R3HDM1: variants seen among roughly 807,000 people sequenced by gnomAD.
R3HDM1 encodes the protein R3H domain-containing protein 1.
Under a neutral mutation model 141.1 loss-of-function variants are expected in R3HDM1, and 46 were observed. The observed-to-expected ratio is 0.33, with a 90% CI of 0.26 to 0.42. The LOEUF is 0.42. Among genes scored for constraint, R3HDM1 ranks in the 10% least tolerant of loss-of-function variants. The pLI, the probability that R3HDM1 is intolerant of heterozygous loss-of-function variation, is 1.00. For missense variants in R3HDM1, 1,184 were observed against 1,368.3 expected (o/e 0.87, Z 2.12); for synonymous variants, 435 against 472.9 (o/e 0.92, Z 1.04).
chr2:135,532,734 A>T (rs1695193035), intron 1 of R3HDM1, among the ~76,000 whole-genome samples: 1 of 152,232 alleles, frequency 6.6e-6, no homozygotes, highest in Non-Finnish European at 1.5e-5. Context: ...AAGTAATAGG[A>T]TACCAGTCTG....
intron 1 of R3HDM1, chr2:135,534,011 GTGT>G (rs1197311316): frequency 1.0e-6 from 1 of 985,218 alleles, no homozygotes; most frequent in Non-Finnish European, 1.2e-6. Flanking sequence ...TATGCTGAGG[GTGT>G]TGTTGCAGCC....
At chr2:135,713,403 G>GGT (rs2105447761) in intron 23 of R3HDM1, among the ~76,000 whole-genome samples, 1 of 152,238 alleles carries the variant, frequency 6.6e-6, no homozygotes, top group East Asian at 1.9e-4. Flanking sequence ...AGTGTAAATT[G>GGT]GTACAGCTCT....
At chr2:135,623,653 T>C (rs1203316354) in intron 7 of R3HDM1, among the ~76,000 whole-genome samples, 2 of 152,298 alleles carry the variant, frequency 1.3e-5, no homozygotes, top group Admixed American at 1.3e-4. Context: ...TGACTTTTTT[T>C]CCTCCAGTTC....
At chr2:135,722,686 A>C (rs955388190) in intron 26 of R3HDM1, 133 bp downstream of exon 26, 7 of 816,548 alleles carry the variant, frequency 8.6e-6, no homozygotes, top group Non-Finnish European at 9.5e-6. Context: ...TCTCTGATTT[A>C]GGGTTCTTGG....
At chr2:135,699,744 CTTA>C (rs1216847010) in intron 21 of R3HDM1, among the ~76,000 whole-genome samples, 2 of 152,060 alleles carry the variant, frequency 1.3e-5, no homozygotes, top group Non-Finnish European at 2.9e-5. Context: ...CTAATAAAAG[CTTA>C]TTATATAGAA....
At chr2:135,641,501 TAA>T (rs763465782) in intron 14 of R3HDM1, 33 bp from the exon 15 acceptor site, 1 of 1,563,714 alleles carries the variant, frequency 6.4e-7, no homozygotes. Flanking sequence ...ATATGAGGTT[TAA>T]AAAATCCATA....
chr2:135,684,130 G>A (rs1214074790), intron 21 of R3HDM1, among the ~76,000 whole-genome samples: 9 of 151,858 alleles, frequency 5.9e-5, no homozygotes, highest in Admixed American at 3.9e-4. Flanking sequence ...TCACTCTGTC[G>A]CCCAGGCTGG....
intron 1 of R3HDM1, among the ~76,000 whole-genome samples, chr2:135,539,564 T>C (rs866192988): frequency 6.6e-6 from 1 of 152,168 alleles, no homozygotes; most frequent in Non-Finnish European, 1.5e-5. Context: ...TAGGAGATAC[T>C]GCGAGTTCAG....
intron 19 of R3HDM1, chr2:135,666,980 G>A: frequency 4.3e-6 from 2 of 461,892 alleles, no homozygotes; most frequent in Non-Finnish European, 5.6e-6. Flanking sequence ...GCACAGTCTG[G>A]AAAAAAAATT....
Position 135,641,684 on chromosome 2 carries a change from T to C in R3HDM1, c.1368T>C (p.Asp456=), listed in dbSNP as rs776763166. 1 of 1,614,142 alleles carries C rather than the reference T, an allele frequency of 6.2e-7. No homozygotes were observed. The highest frequency in any genetic ancestry group is 8.5e-7 in the Non-Finnish European group (1 of 1,180,022). Residue 456 remains aspartate, a synonymous_variant, in exon 15 of 27, where the codon GAT becomes GAC. Transcript: ENST00000683871. ...TVSTHSSLSF[D]GGLNGQVASP... ...GCACTCATAGTTCTCTTTCCTTTGA[T>C]GGTGGCCTAAATGGGCAAGTCGCAT...
intron 14 of R3HDM1, among the ~76,000 whole-genome samples, chr2:135,641,120 A>G (rs1003606440): frequency 1.3e-5 from 2 of 152,194 alleles, no homozygotes; most frequent in African/African-American, 2.4e-5. Flanking sequence ...CTTATAGATA[A>G]GGGGTTTCTG....
chr2:135,610,365 T>C (rs998152545), intron 3 of R3HDM1, among the ~76,000 whole-genome samples: 1 of 152,248 alleles, frequency 6.6e-6, no homozygotes, highest in Admixed American at 6.5e-5. Context: ...ATAAGAGAGC[T>C]GATTTCTGTT....
chr2:135,650,634 A>G, intron 17 of R3HDM1: 3 of 982,274 alleles, frequency 3.1e-6, no homozygotes, highest in Non-Finnish European at 3.6e-6. Context: ...TACAGTTCAT[A>G]GGTACATTTT....
At chr2:135,563,134 T>C (rs1702091984) in intron 1 of R3HDM1, among the ~76,000 whole-genome samples, 1 of 152,184 alleles carries the variant, frequency 6.6e-6, no homozygotes, top group Admixed American at 6.5e-5. Flanking sequence ...ATTTACCCCT[T>C]GCAACTAACA....
At chr2:135,620,911 A>G (rs2061456310) in intron 5 of R3HDM1, among the ~76,000 whole-genome samples, 1 of 152,076 alleles carries the variant, frequency 6.6e-6, no homozygotes, top group Admixed American at 6.5e-5. Flanking sequence ...TTTGTTTGAA[A>G]TCTTTCTAAA....
In R3HDM1 at chr2:135,699,029, A is replaced by ATT. The variant is rs1559465710; in HGVS notation, c.2460-10404_2460-10403insTT. Among the ~76,000 whole-genome samples, 12 of 117,638 alleles carry ATT rather than the reference A, an allele frequency of 1.0e-4. 1 individual carries two copies. Among genetic ancestry groups the ATT allele is most frequent in the South Asian group, 4.9e-4 (2 of 4,122 alleles). 77.2% of individuals were successfully genotyped at this position (117,638 alleles called of 152,430 possible). A position where few individuals can be genotyped will look rare whatever the true frequency, so the allele number is the denominator to read the frequency against. On this transcript the variant is annotated intron_variant, in intron 21 of 26. Coordinates refer to ENST00000683871, the MANE Select transcript of R3HDM1 (RefSeq NM_001378107.1). Reference sequence around the variant, plus strand: ...TAGATAGATAGATAGATAGATAGATAGATAGATAGATAGATAAGATAGATA... The same window carrying ATT: ...TAGATAGATAGATAGATAGATAGATATTGATAGATAGATAGATAAGATAGATA...
chr2:135,678,757 CTTTTTTT>C (rs397738151), intron 20 of R3HDM1, among the ~76,000 whole-genome samples: 1 of 84,192 alleles, frequency 1.2e-5, no homozygotes, highest in Admixed American at 1.4e-4. Flanking sequence ...TACTGGCTTG[CTTTTTTT>C]TTTTTTTTTT....
chr2:135,689,411 C>T (rs2071951641), intron 21 of R3HDM1, among the ~76,000 whole-genome samples: 1 of 152,194 alleles, frequency 6.6e-6, no homozygotes, highest in Non-Finnish European at 1.5e-5. Flanking sequence ...GTTACAGGGT[C>T]TTGATCCATA....
intron 7 of R3HDM1, 188 bp downstream of exon 7, chr2:135,622,920 C>T: frequency 1.0e-6 from 1 of 983,878 alleles, no homozygotes; most frequent in Non-Finnish European, 1.2e-6. Flanking sequence ...TATCTTTTTG[C>T]ATTATGCATG....
Sources: allele counts gnomAD v4.1 joint callset (sites outside exome capture counted in the v4.1 genomes callset), GRCh38; gene constraint gnomAD v4.1.1; transcripts MANE v1.5; gene names NCBI Gene and HGNC (gene_info 2026-07-23, HGNC 2026-07-21).